The following LMLN variants were observed in gnomAD, a reference collection of about 807,000 sequenced individuals.
LMLN encodes the protein leishmanolysin like peptidase.
LMLN carries 70 observed loss-of-function variants against 92.3 expected under a neutral mutation model. The observed-to-expected ratio is 0.76, with a 90% CI of 0.63 to 0.92. The LOEUF is 0.92. Among genes scored for constraint, LMLN ranks in the 40% least tolerant of loss-of-function variants. The pLI is 0.00. For synonymous variants in LMLN, 308 were observed against 296.2 expected, an observed-to-expected ratio of 1.04 and a Z score of -0.41; for missense variants, 691 against 814.6, an observed-to-expected ratio of 0.85 and a Z score of 1.85.
intron 1 of LMLN, among the ~76,000 whole-genome samples, chr3:197,966,551 T>C (rs1721067007): frequency 6.6e-6 from 1 of 152,128 alleles, no homozygotes; most frequent in Admixed American, 6.6e-5. Flanking sequence ...AAGAGTTTTT[T>C]TTTTTTTTAA....
chr3:198,021,006 A>T (rs1345170699), intron 12 of LMLN, among the ~76,000 whole-genome samples: 9 of 151,738 alleles, frequency 5.9e-5, no homozygotes, highest in Admixed American at 5.9e-4. Flanking sequence ...TATATATATG[A>T]TCTCATTTAT....
rs373637110 is a variant in LMLN at position 197,990,639 on chromosome 3, G to A, written c.1010G>A (p.Arg337His). 61 of 1,598,394 alleles carry A rather than the reference G, an allele frequency of 3.8e-5. No homozygotes were observed. In the South Asian group the frequency reaches 5.6e-4, roughly 15 times the overall value. Reference sequence around the variant, plus strand: ...GATGTTCGAGATAATAAGATAGTTCGTCACACTGTGTATCTCCTGGTAACG... The same window carrying A: ...GATGTTCGAGATAATAAGATAGTTCATCACACTGTGTATCTCCTGGTAACG... Residue 337 changes from arginine (R) to histidine (H), a missense_variant, in exon 9 of 16, where the codon CGT (arginine) becomes CAT (histidine). By Grantham distance (29) the Arg-to-His change is conservative. Around this residue, in one of 4 missense-constraint regions of LMLN, gnomAD observed 352 missense variants for 443.6 expected, o/e 0.79. Transcript: ENST00000330198.
chr3:197,992,984 C>A (rs1383613923), intron 9 of LMLN, among the ~76,000 whole-genome samples: 1 of 152,014 alleles, frequency 6.6e-6, no homozygotes, highest in Non-Finnish European at 1.5e-5. Flanking sequence ...CTGAACATAG[C>A]AAATCAGTAA....
At chr3:197,992,089 C>CAA (rs869163432) in intron 9 of LMLN, among the ~76,000 whole-genome samples, 36 of 65,598 alleles carry the variant, frequency 5.5e-4, no homozygotes, top group Middle Eastern at 8.1e-3. Context: ...GACCCTGTCT[C>CAA]AAAAAAAAAA....
Position 197,976,692 on chromosome 3 carries a change from A to G in LMLN, c.526A>G (p.Ile176Val), listed in dbSNP as rs773774893. Reference sequence around the variant, plus strand: ...CGCACACACAAAGTGCGGCCCCGTTATTGTTCCTGAGGAACATCTCCAGGT... The same window carrying G: ...CGCACACACAAAGTGCGGCCCCGTTGTTGTTCCTGAGGAACATCTCCAGGT... Residue 176 changes from isoleucine (I) to valine (V), a missense_variant, in exon 5 of 16, where the codon ATT becomes GTT. Ile to Val is a conservative substitution (Grantham distance 29). Around this residue, in one of 4 missense-constraint regions of LMLN, gnomAD observed 240 missense variants for 287.3 expected, o/e 0.84. Transcript: ENST00000330198. 51 of 1,552,242 alleles carry G rather than the reference A, an allele frequency of 3.3e-5. 1 individual carries two copies. In the South Asian group the frequency reaches 5.3e-4, roughly 16 times the overall value.
At position 197,983,535 on chromosome 3, in the gene LMLN, T is replaced by C. The variant is rs1347997372; in HGVS notation, c.729-408T>C. On this transcript the variant is annotated intron_variant, in intron 6 of 15. Coordinates refer to ENST00000330198, the Ensembl canonical transcript of LMLN. ...GAAGGGCCAGCGACTTTCAGCAATC[T>C]GAACCACTCATTTATTGCCCCATTT... Among the ~76,000 whole-genome samples the C allele has an allele frequency of 4.6e-5, 7 of 152,338 alleles. No individual in the cohort carries two copies. The East Asian group carries it at 1.3e-3, about 29-fold the overall frequency.
rs556955908 is a variant in LMLN, at chr3:197,984,925, G to A, written c.835-871G>A. Among the ~76,000 whole-genome samples the A allele has an allele frequency of 2.6e-5, 4 of 151,946 alleles. No individual in the cohort carries two copies. In the South Asian group the frequency reaches 6.2e-4, roughly 24 times the overall value. ...CTCCCGGGCTCAAGTGATCCCCCCC[G>A]CCTCAGCCTCCCAAAGTGCTGGGAT... On this transcript the variant is annotated intron_variant, in intron 7 of 15. Coordinates refer to ENST00000330198, the Ensembl canonical transcript of LMLN.
At position 198,020,768 on chromosome 3, in the gene LMLN, A is replaced by ATTGTTTTTT. The variant is rs1722756549; in HGVS notation, c.1366-676_1366-675insGTTTTTTTT. Among the ~76,000 whole-genome samples, 30 of 32,868 alleles carry ATTGTTTTTT rather than the reference A, an allele frequency of 9.1e-4. 4 individuals are homozygous for ATTGTTTTTT. The highest frequency in any genetic ancestry group is 3.4e-3 in the African/African-American group (28 of 8,334). The allele number at this position is 32,868 out of a possible 152,430, so 21.6% of individuals were successfully genotyped here. On this transcript the variant is annotated intron_variant, in intron 12 of 15. Coordinates refer to ENST00000330198, the Ensembl canonical transcript of LMLN. ...GCCACCACACCCAGCTAATTTTTGT[A>ATTGTTTTTT]TTTTTTTTTTTTTTTTTTTTTTTTT...
intron 11 of LMLN, among the ~76,000 whole-genome samples, chr3:198,000,793 G>T (rs957728941): frequency 2.0e-5 from 3 of 152,142 alleles, no homozygotes; most frequent in African/African-American, 7.2e-5. Flanking sequence ...ACAGCGCTTG[G>T]CACACTGTGA....
chr3:197,963,162 A>G lies in LMLN; in HGVS notation c.219+2722A>G, dbSNP rs572307921. ...GCATAATTTTTCTCAGCAAAAATGTATAGATCTTGCATTTTTTCTTCTGTT... is the reference window on the plus strand; with the variant it reads ...GCATAATTTTTCTCAGCAAAAATGTGTAGATCTTGCATTTTTTCTTCTGTT... On this transcript the variant is annotated intron_variant, in intron 1 of 15. Coordinates refer to ENST00000330198, the Ensembl canonical transcript of LMLN. Among the ~76,000 whole-genome samples, 10 of 151,894 alleles carry G rather than the reference A, an allele frequency of 6.6e-5. No homozygotes were observed. The South Asian group carries it at 1.2e-3, about 19-fold the overall frequency.
chr3:198,011,126 T>A (rs1722424234), intron 11 of LMLN, among the ~76,000 whole-genome samples: 1 of 152,124 alleles, frequency 6.6e-6, no homozygotes, highest in Non-Finnish European at 1.5e-5. Context: ...GTTTTTTATT[T>A]TTTTTTATTA....
At chr3:197,986,188 A>G (rs1721701348) in intron 8 of LMLN, among the ~76,000 whole-genome samples, 1 of 152,222 alleles carries the variant, frequency 6.6e-6, no homozygotes, top group Admixed American at 6.5e-5. Flanking sequence ...CCGGCCAGGC[A>G]CAATGGCTCA....
chr3:198,018,274 C>T (rs1235682176), intron 11 of LMLN, among the ~76,000 whole-genome samples: 1 of 152,146 alleles, frequency 6.6e-6, no homozygotes, highest in Non-Finnish European at 1.5e-5. Context: ...TCATTGGAAG[C>T]TTTATCATGG....
intron 1 of LMLN, among the ~76,000 whole-genome samples, chr3:197,971,944 CTTTT>C (rs756710031): frequency 0.066 from 5,346 of 81,034 alleles, 48 homozygotes; most frequent in Non-Finnish European, 0.077. Flanking sequence ...AGTCTCTGTT[CTTTT>C]TTTTTTTTTT....
chr3:197,960,451 A>G lies in LMLN; in HGVS notation c.219+11A>G, dbSNP rs1451012069. 3.7e-6 allele frequency: 6 copies of G among 1,611,460 alleles called. No homozygotes were observed. The highest frequency in any genetic ancestry group is 5.1e-6 in the Non-Finnish European group (6 of 1,178,220). On this transcript the variant is annotated intron_variant, in intron 1 of 15. Coordinates refer to ENST00000330198, the Ensembl canonical transcript of LMLN. ...CCCTCTGACACTGAGGTAGGGCGAC[A>G]TGGGCGGGAGCGGGCCCTCTCAGGG...
At chr3:198,029,627 C>G (rs933957915) in intron 14 of LMLN, among the ~76,000 whole-genome samples, 1 of 151,942 alleles carries the variant, frequency 6.6e-6, no homozygotes, top group Non-Finnish European at 1.5e-5. Flanking sequence ...GAGCCAAGAT[C>G]GCACCACTGC....
chr3:197,987,416 C>T (rs1288294232), intron 8 of LMLN, among the ~76,000 whole-genome samples: 1 of 152,148 alleles, frequency 6.6e-6, no homozygotes, highest in African/African-American at 2.4e-5. Flanking sequence ...CTCTCGGCCT[C>T]CCAAAGTGCT....
chr3:197,984,824 C>T (rs913556873), intron 7 of LMLN, among the ~76,000 whole-genome samples: 1 of 151,676 alleles, frequency 6.6e-6, no homozygotes, highest in Non-Finnish European at 1.5e-5. Flanking sequence ...CACAGGCACG[C>T]ACCACCATGC....
intron 14 of LMLN, among the ~76,000 whole-genome samples, chr3:198,026,061 T>G (rs143633067): frequency 1.3e-5 from 2 of 151,850 alleles, no homozygotes; most frequent in East Asian, 3.9e-4. Flanking sequence ...CTCAGGCGAT[T>G]CTCCCACCTC....
Sources: gnomAD v4.1 joint callset for allele counts (sites outside exome capture counted in the v4.1 genomes callset) on GRCh38, gnomAD v4.1.1 for gene constraint, gnomAD v4.1.1 regional missense constraint, MANE v1.5 for transcripts, NCBI Gene and HGNC (gene_info 2026-07-23, HGNC 2026-07-21) for gene names.